Variants in B4GALT6 observed in about 807,000 individuals in gnomAD.
B4GALT6 encodes beta-1,4-galactosyltransferase 6.
B4GALT6 carries 14 observed loss-of-function variants against 46.3 expected under a neutral mutation model. That is an observed-to-expected ratio of 0.30 (90% CI 0.20 to 0.47). The LOEUF (loss-of-function observed/expected upper bound fraction) is 0.47, where lower values mean the gene tolerates loss of function less well. Among genes scored for constraint, B4GALT6 ranks in the 20% least tolerant of loss-of-function variants. The pLI is 0.99. For synonymous variants in B4GALT6, 168 were observed against 162.0 expected (o/e 1.04, Z -0.28); for missense variants, 386 against 480.1 (o/e 0.80, Z 1.83).
chr18:31,690,046 A>G (rs187030764), upstream of B4GALT6, among the ~76,000 whole-genome samples: 108 of 152,316 alleles, frequency 7.1e-4, no homozygotes, highest in Non-Finnish European at 1.3e-3. Context: ...GGATAAAAGA[A>G]CTATTACTTG....
chr18:31,699,573 C>CAAAATTGACCATATTT, the B4GALT6 span, among the ~76,000 whole-genome samples: 1 of 150,668 alleles, frequency 6.6e-6, no homozygotes, highest in African/African-American at 2.4e-5. Context: ...CACGCCCGGC[C>CAAAATTGACCATATTT]TAGACAGATA....
chr18:31,678,053 T>C (rs1169122379), intron 1 of B4GALT6, among the ~76,000 whole-genome samples: 1 of 152,104 alleles, frequency 6.6e-6, no homozygotes, highest in East Asian at 1.9e-4. Context: ...CAAAAGACAG[T>C]GTGGGTGGCG....
chr18:31,717,552 T>C, the B4GALT6 span, among the ~76,000 whole-genome samples: 2 of 152,112 alleles, frequency 1.3e-5, no homozygotes, highest in Admixed American at 1.3e-4. Flanking sequence ...ATTCATACAA[T>C]GAAATAAATT....
At chr18:31,712,287 A>ATTTTTTTTTTTTTTTTTTTTTTTTTTTT in the B4GALT6 span, among the ~76,000 whole-genome samples, 1 of 84,642 alleles carries the variant, frequency 1.2e-5, no homozygotes, top group African/African-American at 5.1e-5. Flanking sequence ...CTGGGACGTT[A>ATTTTTTTTTTTTTTTTTTTTTTTTTTTT]TTTTTTTTTT....
intron 3 of B4GALT6, among the ~76,000 whole-genome samples, chr18:31,655,997 C>T (rs1259412565): frequency 2.6e-5 from 4 of 152,010 alleles, no homozygotes; most frequent in East Asian, 1.9e-4. Context: ...CATCACCTTG[C>T]GGGATTTGTT....
chr18:31,650,928 G>A lies in B4GALT6; in HGVS notation c.347-5449C>T, dbSNP rs763208577. On this transcript the variant is annotated intron_variant, in intron 3 of 8. Transcript: ENST00000306851. ...ACTACAGGCTCCTGCCATCATACCC[G>A]GCTAATTTTTTGTATTTTTAGTAGA... 4.6e-5 allele frequency among the ~76,000 whole-genome samples: 7 copies of A among 152,052 alleles called. No homozygotes were observed. The East Asian group carries it at 5.8e-4, about 13-fold the overall frequency.
intron 8 of B4GALT6, 88 bp downstream of exon 8, chr18:31,626,194 CT>C: frequency 1.0e-5 from 7 of 698,752 alleles, no homozygotes; most frequent in South Asian, 5.9e-5. Flanking sequence ...CCTTCAGCAG[CT>C]TTTTTGGGGT....
At chr18:31,704,253 C>G in the B4GALT6 span, among the ~76,000 whole-genome samples, 1 of 149,908 alleles carries the variant, frequency 6.7e-6, no homozygotes, top group African/African-American at 2.5e-5. Context: ...GAGTGTCACT[C>G]TGTCACCCAG....
chr18:31,710,094 C>CA, the B4GALT6 span, among the ~76,000 whole-genome samples: 14,047 of 107,372 alleles, frequency 0.13, 757 homozygotes, highest in African/African-American at 0.17. Context: ...GACTTTATCT[C>CA]AAAAAAAAAA....
At chr18:31,632,312 G>T (rs1443371570) in intron 5 of B4GALT6, among the ~76,000 whole-genome samples, 1 of 152,100 alleles carries the variant, frequency 6.6e-6, no homozygotes, top group Non-Finnish European at 1.5e-5. Flanking sequence ...AAAGAAAAGG[G>T]AGTTAAATTA....
intron 8 of B4GALT6, 82 bp from the exon 9 acceptor site, chr18:31,625,843 C>T: frequency 8.3e-7 from 1 of 1,206,578 alleles, no homozygotes; most frequent in African/African-American, 1.6e-5. Context: ...TCAAGGTCAT[C>T]TTATAATTAA....
chr18:31,652,402 T>C (rs931845908), intron 3 of B4GALT6, among the ~76,000 whole-genome samples: 2 of 152,134 alleles, frequency 1.3e-5, no homozygotes, highest in Admixed American at 6.5e-5. Context: ...CTTGTCTCTC[T>C]GGGATGTGTT....
At chr18:31,661,641 GA>G (rs2074218678) in intron 2 of B4GALT6, among the ~76,000 whole-genome samples, 3 of 152,012 alleles carry the variant, frequency 2.0e-5, no homozygotes, top group Admixed American at 2.0e-4. Context: ...TAATTTTTCT[GA>G]ATCTCTTCAA....
At chr18:31,719,387 C>T in the B4GALT6 span, among the ~76,000 whole-genome samples, 4 of 152,190 alleles carry the variant, frequency 2.6e-5, no homozygotes, top group East Asian at 1.9e-4. Flanking sequence ...ACCAAATTCC[C>T]GGAGGGGAAA....
intron 5 of B4GALT6, among the ~76,000 whole-genome samples, chr18:31,637,447 G>T (rs998778167): frequency 3.5e-4 from 50 of 143,716 alleles, no homozygotes; most frequent in African/African-American, 1.3e-3. Flanking sequence ...CTTACCAACT[G>T]TAGAGCTGGG....
chr18:31,691,334 T>C, the B4GALT6 span, among the ~76,000 whole-genome samples: 7 of 56,336 alleles, frequency 1.2e-4, no homozygotes, highest in Non-Finnish European at 5.3e-5. Flanking sequence ...TATATATATA[T>C]ATATATATAT....
intron 1 of B4GALT6, among the ~76,000 whole-genome samples, chr18:31,678,571 A>T (rs141485061): frequency 2.0e-5 from 3 of 152,380 alleles, no homozygotes; most frequent in Admixed American, 1.3e-4. Flanking sequence ...CAGCTCTTCC[A>T]ACAATGATGT....
At chr18:31,670,402 C>G (rs1447699148) in intron 1 of B4GALT6, among the ~76,000 whole-genome samples, 1 of 140,872 alleles carries the variant, frequency 7.1e-6, no homozygotes, top group East Asian at 2.1e-4. Flanking sequence ...AATTATTTAC[C>G]AAAAGAGTGC....
At chr18:31,659,444 G>A (rs2074184734) in intron 2 of B4GALT6, among the ~76,000 whole-genome samples, 1 of 152,146 alleles carries the variant, frequency 6.6e-6, no homozygotes, top group Admixed American at 6.5e-5. Context: ...CAAGACTGCT[G>A]AATGAAAGAG....
Sources: gnomAD v4.1 joint callset for allele counts (sites outside exome capture counted in the v4.1 genomes callset) on GRCh38, gnomAD v4.1.1 for gene constraint, MANE v1.5 for transcripts, NCBI Gene and HGNC (gene_info 2026-07-23, HGNC 2026-07-21) for gene names.